The following PSMD3 variants were observed in gnomAD, a reference collection of about 807,000 sequenced individuals.
The protein encoded by PSMD3 is proteasome 26S subunit, non-ATPase 3, also known as 26S proteasome non-ATPase regulatory subunit 3.
Under a neutral mutation model 62.8 loss-of-function variants are expected in PSMD3, and 5 were observed. The ratio of observed to expected loss-of-function variants is 0.08; its 90% CI spans 0.04 to 0.17. The LOEUF is 0.17. PSMD3 is among the 10% of genes least tolerant of loss of function. The pLI is 1.00. For synonymous variants in PSMD3, 265 were observed against 283.9 expected, an observed-to-expected ratio of 0.93 and a Z score of 0.67; for missense variants, 524 against 713.6, an observed-to-expected ratio of 0.73 and a Z score of 3.03.
intron 5 of PSMD3, 50 bp downstream of exon 5, chr17:39,989,979 T>A (rs202088504): frequency 1.3e-6 from 2 of 1,593,122 alleles, no homozygotes; most frequent in Non-Finnish European, 1.7e-6. Flanking sequence ...CAGGCCTGCC[T>A]GGTGCAAATT....
At position 39,990,086 on chromosome 17, in the gene PSMD3, A is replaced by G. The variant is rs746321693; in HGVS notation, c.878-8A>G. 117 of 1,612,978 alleles carry G rather than the reference A, an allele frequency of 7.3e-5. No individual in the cohort carries two copies. The highest frequency in any genetic ancestry group is 9.3e-5 in the Non-Finnish European group (110 of 1,179,476). ...CTGTTGACCAACTCTCCTCTCCTCC[A>G]CTCCCAGGGCGAATCAAAGCCATCC... On this transcript the variant is annotated splice_region_variant and splice_polypyrimidine_tract_variant and intron_variant, in intron 5 of 11. Transcript: ENST00000264639.
At chr17:39,992,024 C>CAAAAAAAAAAAAA (rs59894264) in intron 6 of PSMD3, among the ~76,000 whole-genome samples, 36 of 102,092 alleles carry the variant, frequency 3.5e-4, no homozygotes, top group African/African-American at 9.8e-4. Context: ...GACTCTGTCT[C>CAAAAAAAAAAAAA]AAAAAAAAAC....
intron 2 of PSMD3, 144 bp from the exon 3 acceptor site, chr17:39,986,431 A>AT (rs1299504599): frequency 5.7e-6 from 6 of 1,048,536 alleles, no homozygotes; most frequent in Admixed American, 4.6e-5. Context: ...TGTAATCTTT[A>AT]TTTTTTTATC....
In PSMD3 at chr17:39,997,791, C is replaced by A. The variant is rs1240484770; in HGVS notation, c.*210C>A. ...ACTGTACAGCAGGCAGGAGGGTGGG[C>A]AGGCAACCTCCCCGGGCAGGGTCCT... is the stretch of plus-strand genomic sequence containing the variant. On this transcript the variant is annotated 3_prime_UTR_variant, in exon 12 of 12. Transcript: ENST00000264639. The A allele has an allele frequency of 1.6e-6, 1 of 610,330 alleles. No individual in the cohort carries two copies. Among genetic ancestry groups the A allele is most frequent in the Admixed American group, 2.9e-5 (1 of 34,880 alleles). The allele number at this position is 610,330 out of a possible 1,614,324, so 37.8% of individuals were successfully genotyped here.
intron 3 of PSMD3, 29 bp downstream of exon 3, chr17:39,986,741 T>G: frequency 1.2e-6 from 2 of 1,612,686 alleles, no homozygotes; most frequent in Non-Finnish European, 1.7e-6. Flanking sequence ...GAGCGATTCA[T>G]AAGCCCCAAG....
In PSMD3 at chr17:39,996,847, G is replaced by A. The variant is rs553949534; in HGVS notation, c.1477-483G>A. The A allele has an allele frequency of 2.2e-6, 1 of 450,280 alleles. No homozygotes were observed. Among genetic ancestry groups the A allele is most frequent in the East Asian group, 6.9e-5 (1 of 14,482 alleles). 27.9% of individuals were successfully genotyped at this position (450,280 alleles called of 1,614,324 possible). ...AGTTTGGCGCTGTTACTATTTGCTT[G>A]CCATGTTTTTTTCTGGTCTCCTCCG... is the stretch of plus-strand genomic sequence containing the variant. On this transcript the variant is annotated intron_variant, in intron 10 of 11. Coordinates refer to ENST00000264639, the MANE Select transcript of PSMD3 (RefSeq NM_002809.4). The surrounding 1 kb of genome is among the most constrained non-coding windows in gnomAD (Gnocchi z 5.1).
chr17:39,984,390 G>T lies in PSMD3; in HGVS notation c.317G>T (p.Arg106Leu). ...CTGCGGATGCTGCCTTCCACATCAC[G>T]CCGCCTCAACCACTATGTTCTGTAT... ...RALRMLPSTS[R>L]RLNHYVLYKA... Residue 106 changes from arginine (R) to leucine (L), a missense_variant, in exon 2 of 12, where the codon CGC becomes CTC. By Grantham distance (102) the Arg-to-Leu change is moderately radical. Transcript: ENST00000264639. 6.2e-7 allele frequency: 1 copy of T among 1,613,688 alleles called. No individual in the cohort carries two copies. The highest frequency in any genetic ancestry group is 8.5e-7 in the Non-Finnish European group (1 of 1,179,986).
At position 39,997,626 on chromosome 17, in the gene PSMD3, T is replaced by C; in HGVS notation, c.*45T>C. On this transcript the variant is annotated 3_prime_UTR_variant, in exon 12 of 12. Transcript: ENST00000264639. The stretch of plus-strand genomic sequence containing the variant: ...GTAGGGGGAATGGGGACAGGCTCTT[T>C]CCCCCTTGGGGGTCCCCTGCCCAGG... The C allele has an allele frequency of 6.3e-7, 1 of 1,589,548 alleles. No homozygotes were observed. The highest frequency in any genetic ancestry group is 1.3e-5 in the African/African-American group (1 of 74,342).
chr17:39,989,134 G>T (rs1356369588), intron 4 of PSMD3, among the ~76,000 whole-genome samples: 4 of 152,160 alleles, frequency 2.6e-5, no homozygotes, highest in African/African-American at 9.7e-5. Context: ...CTCAAAACCT[G>T]CAGTGGCTTC....
In PSMD3 at chr17:39,984,283, C is replaced by G; in HGVS notation, c.221-11C>G. 1 of 1,596,252 alleles carries G rather than the reference C, an allele frequency of 6.3e-7. No homozygotes were observed. Among genetic ancestry groups the G allele is most frequent in the South Asian group, 1.1e-5 (1 of 90,350 alleles). On this transcript the variant is annotated splice_polypyrimidine_tract_variant and intron_variant, in intron 1 of 11. Coordinates refer to ENST00000264639, the MANE Select transcript of PSMD3 (RefSeq NM_002809.4). Reference sequence around the variant, plus strand: ...GAAAGTGACATCATTTTCTTCTCTGCTCTTCTTCAGACATCAAGGAGCACG... The same window carrying G: ...GAAAGTGACATCATTTTCTTCTCTGGTCTTCTTCAGACATCAAGGAGCACG...
chr17:39,990,805 G>A (rs918421902), intron 6 of PSMD3, among the ~76,000 whole-genome samples: 1 of 152,152 alleles, frequency 6.6e-6, no homozygotes, highest in Non-Finnish European at 1.5e-5. Context: ...TTTGGAAACT[G>A]TATTGTCTGT....
At chr17:39,983,414 TTGTC>T (rs1326225448) in intron 1 of PSMD3, among the ~76,000 whole-genome samples, 1 of 152,222 alleles carries the variant, frequency 6.6e-6, no homozygotes, top group Non-Finnish European at 1.5e-5. Flanking sequence ...AATATAATTT[TTGTC>T]TGTTAGCTAT....
At position 39,997,648 on chromosome 17, in the gene PSMD3, C is replaced by T. The variant is rs913502506; in HGVS notation, c.*67C>T. 7.8e-6 allele frequency: 12 copies of T among 1,533,238 alleles called. No homozygotes were observed. Among genetic ancestry groups the T allele is most frequent in the Non-Finnish European group, 9.8e-6 (11 of 1,117,330 alleles). The allele number at this position is 1,533,238 out of a possible 1,614,324, so 95.0% of individuals were successfully genotyped here. ...CTTTCCCCCTTGGGGGTCCCCTGCC[C>T]AGGGCACTGTCCCCATTTTCCCACA... On this transcript the variant is annotated 3_prime_UTR_variant, in exon 12 of 12. Coordinates refer to ENST00000264639, the MANE Select transcript of PSMD3 (RefSeq NM_002809.4).
chr17:39,990,209 C>G lies in PSMD3; in HGVS notation c.981+12C>G. The stretch of plus-strand genomic sequence containing the variant: ...GCTTCAAACAGACGGTGAGCCACAA[C>G]TACCATCATCCCTTTGCCTCTTTTT... On this transcript the variant is annotated intron_variant, in intron 6 of 11. Coordinates refer to ENST00000264639, the MANE Select transcript of PSMD3 (RefSeq NM_002809.4). The G allele has an allele frequency of 1.3e-6, 2 of 1,566,060 alleles. No individual in the cohort carries two copies. Among genetic ancestry groups the G allele is most frequent in the South Asian group, 1.1e-5 (1 of 88,206 alleles).
chr17:39,995,118 G>A lies in PSMD3; in HGVS notation c.1096+50G>A. 6.2e-7 allele frequency: 1 copy of A among 1,613,714 alleles called. No individual in the cohort carries two copies. The highest frequency in any genetic ancestry group is 8.5e-7 in the Non-Finnish European group (1 of 1,179,858). ...AGCCCACTAGGCCCCCTTCAGTGGG[G>A]CCTCTTACATGCCTGTGCCTATTTG... On this transcript the variant is annotated intron_variant, in intron 7 of 11. Coordinates refer to ENST00000264639, the MANE Select transcript of PSMD3 (RefSeq NM_002809.4). This position sits in a 1 kb window ranked among gnomAD's most constrained non-coding sequence, Gnocchi z 4.1.
intron 4 of PSMD3, 66 bp from the exon 5 acceptor site, chr17:39,989,673 A>T (rs539283484): frequency 6.9e-7 from 1 of 1,439,660 alleles, no homozygotes; most frequent in Admixed American, 2.0e-5. Context: ...AGAAAGAGCG[A>T]AGAGTTAAAG....
chr17:39,981,887 C>A (rs1281720688), intron 1 of PSMD3, among the ~76,000 whole-genome samples: 1 of 152,180 alleles, frequency 6.6e-6, no homozygotes, highest in Non-Finnish European at 1.5e-5. Flanking sequence ...TCTCCTATTT[C>A]TTTTCTCCGA....
At chr17:39,983,399 A>G (rs1980434619) in intron 1 of PSMD3, among the ~76,000 whole-genome samples, 3 of 152,184 alleles carry the variant, frequency 2.0e-5, no homozygotes, top group Non-Finnish European at 4.4e-5. Context: ...CTCAAATACT[A>G]ATGGAATATA....
chr17:39,988,136 G>A (rs1466828243), intron 3 of PSMD3, among the ~76,000 whole-genome samples: 1 of 152,140 alleles, frequency 6.6e-6, no homozygotes, highest in Non-Finnish European at 1.5e-5. Context: ...ACAATTGAGT[G>A]GGTTTTAGTA....
Sources: allele counts gnomAD v4.1 joint callset (sites outside exome capture counted in the v4.1 genomes callset), GRCh38; gene constraint gnomAD v4.1.1; non-coding constraint Gnocchi (gnomAD v3.1); transcripts MANE v1.5; gene names NCBI Gene and HGNC (gene_info 2026-07-23, HGNC 2026-07-21).